SGCZ: variants seen among roughly 807,000 people sequenced by gnomAD.
SGCZ encodes sarcoglycan zeta, also known as zeta-sarcoglycan.
A neutral mutation model predicts 41.3 loss-of-function variants in SGCZ; 40 were observed. That is an observed-to-expected ratio of 0.97 (90% CI 0.75 to 1.26). The LOEUF is 1.26. SGCZ is among the 50% of genes most tolerant of loss of function. The pLI, the probability that SGCZ is intolerant of heterozygous loss-of-function variation, is 0.00. For missense variants in SGCZ, 552 were observed against 369.8 expected (o/e 1.49, Z -4.04); for synonymous variants, 206 against 137.5 (o/e 1.50, Z -3.49).
chr8:15,087,960 T>C (rs750084893), intron 1 of SGCZ, among the ~76,000 whole-genome samples: 1 of 152,116 alleles, frequency 6.6e-6, no homozygotes, highest in Non-Finnish European at 1.5e-5. Context: ...ATGCTATTTT[T>C]TAGTAACCAC....
At chr8:15,126,846 T>G (rs1466527869) in intron 1 of SGCZ, among the ~76,000 whole-genome samples, 9 of 152,098 alleles carry the variant, frequency 5.9e-5, no homozygotes, top group Non-Finnish European at 8.8e-5. Context: ...AGGTCAGACC[T>G]CTACTCTAGG....
chr8:14,701,122 C>T (rs1183999711), intron 1 of SGCZ, among the ~76,000 whole-genome samples: 1 of 151,856 alleles, frequency 6.6e-6, no homozygotes, highest in Admixed American at 6.6e-5. Context: ...AACAAAATTC[C>T]TTACATGGAT....
intron 1 of SGCZ, among the ~76,000 whole-genome samples, chr8:14,881,002 A>G (rs931569567): frequency 6.6e-6 from 1 of 152,278 alleles, no homozygotes; most frequent in Non-Finnish European, 1.5e-5. Flanking sequence ...AGCCCAAAAT[A>G]CAAAACACAG....
At chr8:14,295,621 T>C (rs1285953237) in intron 3 of SGCZ, among the ~76,000 whole-genome samples, 1 of 152,166 alleles carries the variant, frequency 6.6e-6, no homozygotes, top group Non-Finnish European at 1.5e-5. Flanking sequence ...GAGGGTAATA[T>C]ACATTTTTGG....
chr8:14,748,402 A>C (rs962624526), intron 1 of SGCZ, among the ~76,000 whole-genome samples: 1 of 152,188 alleles, frequency 6.6e-6, no homozygotes, highest in East Asian at 1.9e-4. Flanking sequence ...TTTCATCCTG[A>C]CTTCTATCCT....
chr8:14,177,675 A>ATTTTTTTTTTTTT (rs1193141913), intron 4 of SGCZ, among the ~76,000 whole-genome samples: 58 of 111,316 alleles, frequency 5.2e-4, no homozygotes, highest in Non-Finnish European at 8.9e-4. Context: ...ACGCCCTGCT[A>ATTTTTTTTTTTTT]TTTTTTTTTT....
chr8:14,719,696 G>A (rs1311321779), intron 1 of SGCZ, among the ~76,000 whole-genome samples: 2 of 151,754 alleles, frequency 1.3e-5, no homozygotes, highest in African/African-American at 4.8e-5. Context: ...CTTTTTGATG[G>A]GGTTGTTTGT....
intron 1 of SGCZ, among the ~76,000 whole-genome samples, chr8:14,943,101 A>G (rs1051231952): frequency 2.0e-5 from 3 of 152,184 alleles, no homozygotes; most frequent in African/African-American, 7.2e-5. Context: ...CACAGAATAT[A>G]CAAAAAGTGA....
chr8:14,159,677 A>C (rs1007915237), intron 5 of SGCZ, among the ~76,000 whole-genome samples: 1 of 152,144 alleles, frequency 6.6e-6, no homozygotes, highest in Non-Finnish European at 1.5e-5. Flanking sequence ...TAATCTAATC[A>C]CATTTCTTCA....
chr8:14,432,600 A>G (rs1799974062), intron 2 of SGCZ, among the ~76,000 whole-genome samples: 1 of 152,150 alleles, frequency 6.6e-6, no homozygotes. Context: ...TGGGTGCACC[A>G]AAATCTCACA....
chr8:14,557,727 T>C (rs1003147588), intron 1 of SGCZ, among the ~76,000 whole-genome samples: 14 of 151,820 alleles, frequency 9.2e-5, no homozygotes, highest in African/African-American at 3.4e-4. Flanking sequence ...TAAACACAAA[T>C]AGAGAATCTC....
chr8:14,574,184 C>G (rs1371298544), intron 1 of SGCZ, among the ~76,000 whole-genome samples: 1 of 152,014 alleles, frequency 6.6e-6, no homozygotes, highest in Non-Finnish European at 1.5e-5. Flanking sequence ...AAGAATAAGC[C>G]AAGATGCGGA....
At chr8:14,528,693 G>A (rs1433662670) in intron 2 of SGCZ, among the ~76,000 whole-genome samples, 1 of 151,798 alleles carries the variant, frequency 6.6e-6, no homozygotes, top group African/African-American at 2.4e-5. Flanking sequence ...CTTGCAGCGG[G>A]AAGAAGCTGA....
chr8:15,046,348 C>G (rs1036676915), intron 1 of SGCZ, among the ~76,000 whole-genome samples: 13 of 152,000 alleles, frequency 8.6e-5, no homozygotes, highest in Non-Finnish European at 4.4e-5. Flanking sequence ...AATGACCATT[C>G]AAGTTAATTC....
chr8:14,144,832 G>A (rs1803474537), intron 5 of SGCZ, among the ~76,000 whole-genome samples: 1 of 152,078 alleles, frequency 6.6e-6, no homozygotes, highest in Admixed American at 6.5e-5. Flanking sequence ...GAATATCAGT[G>A]GTAGTCTGAC....
chr8:14,532,187 T>G (rs1803152701), intron 2 of SGCZ, among the ~76,000 whole-genome samples: 1 of 152,012 alleles, frequency 6.6e-6, no homozygotes, highest in African/African-American at 2.4e-5. Flanking sequence ...AGTAAGGCAC[T>G]AAAAATCACA....
chr8:15,162,006 G>T (rs763144792), intron 1 of SGCZ, among the ~76,000 whole-genome samples: 1 of 152,160 alleles, frequency 6.6e-6, no homozygotes, highest in East Asian at 1.9e-4. Flanking sequence ...ACTCCAGCCT[G>T]GGTAACAGCG....
At chr8:14,416,949 A>G (rs1193225933) in intron 2 of SGCZ, among the ~76,000 whole-genome samples, 1 of 151,900 alleles carries the variant, frequency 6.6e-6, no homozygotes, top group Non-Finnish European at 1.5e-5. Flanking sequence ...TCGTGTTACC[A>G]GAAAGATCCA....
chr8:14,827,014 C>A (rs1802350080), intron 1 of SGCZ, among the ~76,000 whole-genome samples: 1 of 152,034 alleles, frequency 6.6e-6, no homozygotes, highest in South Asian at 2.1e-4. Context: ...TTGCCCATGC[C>A]TATGTCCTGA....
Sources: allele counts gnomAD v4.1 joint callset (sites outside exome capture counted in the v4.1 genomes callset), GRCh38; gene constraint gnomAD v4.1.1; transcripts MANE v1.5; gene names NCBI Gene and HGNC (gene_info 2026-07-23, HGNC 2026-07-21).